ADH1A: variants seen among roughly 807,000 people sequenced by gnomAD.
The protein encoded by ADH1A is alcohol dehydrogenase 1A (class I), alpha polypeptide, also known as alcohol dehydrogenase 1A.
In ADH1A, 29 loss-of-function variants were observed where a neutral mutation model predicts 35.2. The ratio of observed to expected loss-of-function variants is 0.82; its 90% CI spans 0.61 to 1.12. The LOEUF is 1.12. Ranked by LOEUF, ADH1A falls within the 50% of genes most tolerant of loss-of-function variation. ADH1A has a pLI of 0.00. For missense variants in ADH1A, 469 were observed against 464.7 expected, an observed-to-expected ratio of 1.01 and a Z score of -0.09; for synonymous variants, 147 against 164.8, an observed-to-expected ratio of 0.89 and a Z score of 0.83.
rs542747877 is a variant in ADH1A at position 99,287,713 on chromosome 4, A to G, written c.19-48T>C. 1.0e-5 allele frequency: 16 copies of G among 1,597,616 alleles called. No individual in the cohort carries two copies. In the African/African-American group the frequency reaches 1.2e-4, roughly 12 times the overall value. On this transcript the variant is annotated intron_variant, in intron 1 of 8. Transcript: ENST00000209668. Reference sequence around the variant, plus strand: ...GGCACCAGTGTTCTCCCACGCTTGCAGTCAGATATTGTGTCATTTCATCTT... The same window carrying G: ...GGCACCAGTGTTCTCCCACGCTTGCGGTCAGATATTGTGTCATTTCATCTT...
At chr4:99,280,323 T>C (rs1579489282) in intron 6 of ADH1A, 44 bp from the exon 7 acceptor site, 2 of 1,611,156 alleles carry the variant, frequency 1.2e-6, no homozygotes, top group East Asian at 4.5e-5. Context: ...TGGAGTCGCA[T>C]AGTTCCTATT....
In ADH1A at chr4:99,277,110, G is replaced by T. The variant is rs565944208; in HGVS notation, c.1104-462C>A. Among the ~76,000 whole-genome samples the T allele has an allele frequency of 4.7e-4, 71 of 151,942 alleles. 1 individual carries two copies. The highest frequency in any genetic ancestry group is 1.8e-3 in the Admixed American group (28 of 15,202). On this transcript the variant is annotated intron_variant, in intron 8 of 8. Coordinates refer to ENST00000209668, the MANE Select transcript of ADH1A (RefSeq NM_000667.4). Reference sequence around the variant, plus strand: ...GATTATAAACACTGAGACTTAGAAAGATTTGTAACTTGGTCTGGTCGCATA... The same window carrying T: ...GATTATAAACACTGAGACTTAGAAATATTTGTAACTTGGTCTGGTCGCATA...
At chr4:99,288,395 A>G (rs771027134) in intron 1 of ADH1A, among the ~76,000 whole-genome samples, 28 of 152,114 alleles carry the variant, frequency 1.8e-4, no homozygotes, top group Admixed American at 6.6e-4. Flanking sequence ...CTACACATAC[A>G]TATTTCAAAA....
chr4:99,281,922 T>C (rs1473440215), intron 6 of ADH1A: 1 of 201,922 alleles, frequency 5.0e-6, no homozygotes, highest in East Asian at 1.3e-4. Flanking sequence ...GGCCAAATAC[T>C]AATATGTTTA....
chr4:99,280,431 G>T, intron 6 of ADH1A, 152 bp from the exon 7 acceptor site: 1 of 1,305,986 alleles, frequency 7.7e-7, no homozygotes, highest in Non-Finnish European at 1.0e-6. Flanking sequence ...TTTTTGCACG[G>T]GATAGTGCTG....
At chr4:99,278,417 A>C (rs2110602211) in intron 8 of ADH1A, 1 of 152,214 alleles carries the variant, frequency 6.6e-6, no homozygotes, top group East Asian at 1.9e-4. Flanking sequence ...TGACCAAGTC[A>C]TGCCTTCTCT....
At position 99,280,269 on chromosome 4, in the gene ADH1A, A is replaced by G. The variant is rs199556184; in HGVS notation, c.839T>C (p.Leu280Pro). The change falls in exon 7 of 9, where the codon CTG (leucine) becomes CCG (proline). Residue 280 changes from leucine (L) to proline (P), a missense_variant. By Grantham distance (98) the Leu-to-Pro change is moderately conservative. Transcript: ENST00000209668. ...IGRLDTMMAS[L>P]LCCHEACGTS... Reference sequence around the variant, plus strand: ...GCCACATGCCTCATGACAACATAACAGGGAAGCCATCTGGAATAAAGTGAA... The same window carrying G: ...GCCACATGCCTCATGACAACATAACGGGGAAGCCATCTGGAATAAAGTGAA... The G allele has an allele frequency of 1.2e-6, 2 of 1,613,512 alleles. No homozygotes were observed. Among genetic ancestry groups the G allele is most frequent in the African/African-American group, 2.7e-5 (2 of 75,040 alleles).
rs546468072 is a variant in ADH1A, at chr4:99,284,554, T to C, written c.412A>G (p.Ile138Val). The C allele has an allele frequency of 3.7e-6, 6 of 1,614,244 alleles. 1 individual carries two copies. The South Asian group carries it at 6.6e-5, about 18-fold the overall frequency. ...GTGCTGATGCCAAGGAAGTGGTGGA[T>C]GGGCTTCCTCCTGCAGGTGAACCTG... ...TSRFTCRRKP[I>V]HHFLGISTFS... Residue 138 changes from isoleucine to valine, a missense_variant, in exon 5 of 9, where the codon ATC becomes GTC. Ile to Val is a conservative substitution (Grantham distance 29, BLOSUM62 3). Coordinates refer to ENST00000209668, the MANE Select transcript of ADH1A (RefSeq NM_000667.4).
chr4:99,284,983 G>A (rs1733113796), intron 3 of ADH1A, among the ~76,000 whole-genome samples, 180 bp from the exon 4 acceptor site: 1 of 152,098 alleles, frequency 6.6e-6, no homozygotes, highest in Non-Finnish European at 1.5e-5. Flanking sequence ...TTTCCAGTTT[G>A]GGTTTATAAG....
chr4:99,289,657 G>A (rs1279479572), intron 1 of ADH1A, among the ~76,000 whole-genome samples: 3 of 152,100 alleles, frequency 2.0e-5, no homozygotes, highest in Non-Finnish European at 2.9e-5. Context: ...TATAATGCAG[G>A]ATGTATAAAC....
At chr4:99,288,867 C>T (rs1323234580) in intron 1 of ADH1A, 1 of 151,930 alleles carries the variant, frequency 6.6e-6, no homozygotes, top group African/African-American at 2.4e-5. Context: ...TTCTGGTTAC[C>T]TGGGTAAGTT....
chr4:99,287,039 T>A, intron 2 of ADH1A, 51 bp from the exon 3 acceptor site: 1 of 1,575,842 alleles, frequency 6.3e-7, no homozygotes, highest in Non-Finnish European at 8.6e-7. Flanking sequence ...CTCAGGTGAA[T>A]TTAAAAATCC....
rs2110608476 is a variant in ADH1A at position 99,284,623 on chromosome 4, A to G, written c.348-5T>C. ...GTCCCCTGAGGATTGCTTACACTGG[A>G]CAGTGCAATACAAAGACACACAAAG... On this transcript the variant is annotated splice_polypyrimidine_tract_variant and splice_region_variant and intron_variant, in intron 4 of 8. Coordinates refer to ENST00000209668, the MANE Select transcript of ADH1A (RefSeq NM_000667.4). The G allele has an allele frequency of 6.2e-7, 1 of 1,614,150 alleles. No homozygotes were observed.
chr4:99,285,725 T>TTG, intron 3 of ADH1A, among the ~76,000 whole-genome samples: 1 of 152,156 alleles, frequency 6.6e-6, no homozygotes, highest in Non-Finnish European at 1.5e-5. Flanking sequence ...TTTGGTAAAG[T>TTG]GGCAGGTCCA....
Position 99,284,632 on chromosome 4 carries a change from TACAAAGACAC to T in ADH1A, c.348-24_348-15del. 12 of 1,614,020 alleles carry T rather than the reference TACAAAGACAC, an allele frequency of 7.4e-6. No individual in the cohort carries two copies. The highest frequency in any genetic ancestry group is 1.0e-5 in the Non-Finnish European group (12 of 1,179,890). Reference sequence around the variant, plus strand: ...GGATTGCTTACACTGGACAGTGCAATACAAAGACACACAAAGGCATGAGACAGGACCATAA... The same window carrying T: ...GGATTGCTTACACTGGACAGTGCAATACAAAGGCATGAGACAGGACCATAA... On this transcript the variant is annotated splice_polypyrimidine_tract_variant and intron_variant, in intron 4 of 8. Transcript: ENST00000209668.
At chr4:99,282,135 G>T in intron 6 of ADH1A, 1 of 886,748 alleles carries the variant, frequency 1.1e-6, no homozygotes, top group Non-Finnish European at 1.7e-6. Flanking sequence ...TTTTCCTCTA[G>T]AGGAAATATG....
chr4:99,280,922 G>A (rs941641713), intron 6 of ADH1A, among the ~76,000 whole-genome samples: 5 of 152,164 alleles, frequency 3.3e-5, no homozygotes, highest in Admixed American at 1.3e-4. Flanking sequence ...TTCTGAACAC[G>A]TTCTATAGTT....
At chr4:99,286,536 G>A (rs1733157119) in intron 3 of ADH1A, 2 of 288,252 alleles carry the variant, frequency 6.9e-6, no homozygotes, top group South Asian at 1.4e-4. Context: ...TAACACGGAA[G>A]TTACTAGATT....
Position 99,284,607 on chromosome 4 carries a change from G to A in ADH1A, c.359C>T (p.Pro120Leu). ...GGTGCCATCCTGCAGGGTCCCCTGA[G>A]GATTGCTTACACTGGACAGTGCAAT... Reference protein sequence around the residue: ...NYCLKNDVSNPQGTLQDGTSR... With the variant: ...NYCLKNDVSNLQGTLQDGTSR... Residue 120 changes from proline (P) to leucine (L), a missense_variant, in exon 5 of 9, where the codon CCT becomes CTT. Pro to Leu is a moderately conservative substitution (Grantham distance 98). Coordinates refer to ENST00000209668, the MANE Select transcript of ADH1A (RefSeq NM_000667.4). The A allele has an allele frequency of 6.2e-7, 1 of 1,614,190 alleles. No individual in the cohort carries two copies. Among genetic ancestry groups the A allele is most frequent in the African/African-American group, 1.3e-5 (1 of 75,048 alleles).
Sources: gnomAD v4.1 joint callset for allele counts (sites outside exome capture counted in the v4.1 genomes callset) on GRCh38, gnomAD v4.1.1 for gene constraint, MANE v1.5 for transcripts, NCBI Gene and HGNC (gene_info 2026-07-23, HGNC 2026-07-21) for gene names.